ADCY9: variants seen among roughly 807,000 people sequenced by gnomAD.
The protein encoded by ADCY9 is adenylate cyclase 9.
Under a neutral mutation model 101.5 loss-of-function variants are expected in ADCY9, and 50 were observed. The observed-to-expected ratio is 0.49, with a 90% CI of 0.39 to 0.62. ADCY9 has a LOEUF of 0.62. Among genes scored for constraint, ADCY9 ranks in the 20% least tolerant of loss-of-function variants. ADCY9 has a pLI of 0.00. For synonymous variants in ADCY9, 905 were observed against 769.3 expected (o/e 1.18, Z -2.92); for missense variants, 1,662 against 1,800.4 (o/e 0.92, Z 1.39).
rs1363549446 is a variant in ADCY9 at position 4,115,000 on chromosome 16, G to A, written c.443C>T (p.Pro148Leu). 4.3e-6 allele frequency: 7 copies of A among 1,613,988 alleles called. No homozygotes were observed. The highest frequency in any genetic ancestry group is 1.7e-5 in the Admixed American group (1 of 60,010). ...MRSRLIVMVA[P>L]ALCFLLVCVG... is the part of the protein sequence containing the mutation. ...ACACACCAGGAGGAAGCACAGCGCG[G>A]GGGCGACCATGACGATCAGTCTGGA... Residue 148 changes from proline to leucine, a missense_variant, in exon 2 of 11, where the codon CCC becomes CTC. This residue lies in a region of ADCY9 where 422 missense variants were observed against 392.0 expected (regional missense o/e 1.08). Coordinates refer to ENST00000294016, the MANE Select transcript of ADCY9 (RefSeq NM_001116.4). The surrounding 1 kb of genome is among the most constrained non-coding windows in gnomAD (Gnocchi z 4.3).
chr16:4,006,896 G>A (rs1200278637), intron 3 of ADCY9, among the ~76,000 whole-genome samples: 1 of 152,160 alleles, frequency 6.6e-6, no homozygotes, highest in East Asian at 1.9e-4. Flanking sequence ...TGTCCTCTCA[G>A]TGAGCTGTGT....
At chr16:4,073,694 G>A (rs1192684039) in intron 2 of ADCY9, among the ~76,000 whole-genome samples, 1 of 152,292 alleles carries the variant, frequency 6.6e-6, no homozygotes, top group East Asian at 1.9e-4. Context: ...ATTGTGCCCG[G>A]CCTAAAAACA....
At chr16:4,089,851 C>A (rs577890733) in intron 2 of ADCY9, among the ~76,000 whole-genome samples, 2 of 152,164 alleles carry the variant, frequency 1.3e-5, no homozygotes, top group African/African-American at 4.8e-5. Context: ...CACAGGGGAC[C>A]AGGGCACTTC....
At chr16:3,958,025 G>A (rs184067658), downstream of ADCY9, among the ~76,000 whole-genome samples, 173 of 152,296 alleles carry the variant, frequency 1.1e-3, no homozygotes, top group African/African-American at 4.0e-3. Flanking sequence ...GCAGCTGGAG[G>A]CCGGGCTAGG....
intron 2 of ADCY9, among the ~76,000 whole-genome samples, chr16:4,067,800 T>C (rs2056809711): frequency 6.6e-6 from 1 of 152,224 alleles, no homozygotes; most frequent in Non-Finnish European, 1.5e-5. Context: ...CTGTAGCTAA[T>C]GTGTGCAAAC....
chr16:3,977,438 G>A (rs765175060), intron 9 of ADCY9, 44 bp downstream of exon 9: 7 of 1,534,662 alleles, frequency 4.6e-6, no homozygotes, highest in African/African-American at 1.4e-5. Flanking sequence ...CTCGGGCAAG[G>A]TGGCCACGCA....
intron 2 of ADCY9, among the ~76,000 whole-genome samples, chr16:4,086,431 C>T (rs540383123): frequency 2.0e-5 from 3 of 152,120 alleles, no homozygotes; most frequent in East Asian, 1.9e-4. Context: ...GAAGGACAAG[C>T]GCACGCTCCG....
intron 2 of ADCY9, among the ~76,000 whole-genome samples, chr16:4,028,559 G>C (rs2056533024): frequency 6.6e-6 from 1 of 152,298 alleles, no homozygotes; most frequent in East Asian, 1.9e-4. Flanking sequence ...CAAATCTATA[G>C]ACACAGAAAG....
chr16:3,973,893 T>C (rs1245678762), intron 10 of ADCY9, among the ~76,000 whole-genome samples: 3 of 152,180 alleles, frequency 2.0e-5, no homozygotes. Context: ...GTTATCTCAG[T>C]TTTAGAGGCT....
At chr16:3,996,170 G>A (rs2056285026) in intron 3 of ADCY9, among the ~76,000 whole-genome samples, 1 of 152,128 alleles carries the variant, frequency 6.6e-6, no homozygotes, top group Non-Finnish European at 1.5e-5. Context: ...AGACCAGCCT[G>A]GGCAACATAG....
intron 2 of ADCY9, among the ~76,000 whole-genome samples, chr16:4,037,763 G>A (rs775774412): frequency 1.3e-5 from 2 of 152,114 alleles, no homozygotes; most frequent in Non-Finnish European, 2.9e-5. Flanking sequence ...ACTGTGCCAC[G>A]TTTACAACTG....
downstream of ADCY9, among the ~76,000 whole-genome samples, chr16:3,960,618 A>G (rs2055932145): frequency 6.6e-6 from 1 of 152,160 alleles, no homozygotes; most frequent in Admixed American, 6.5e-5. Flanking sequence ...TCATCAAACT[A>G]TCAAAGCCTT....
intron 2 of ADCY9, among the ~76,000 whole-genome samples, chr16:4,101,748 A>G (rs890984779): frequency 4.6e-5 from 7 of 152,174 alleles, no homozygotes; most frequent in Non-Finnish European, 1.0e-4. Flanking sequence ...AGTACAGTTG[A>G]AAAAAACCAC....
At chr16:4,062,848 A>T (rs1051865352) in intron 2 of ADCY9, among the ~76,000 whole-genome samples, 1 of 152,228 alleles carries the variant, frequency 6.6e-6, no homozygotes, top group Non-Finnish European at 1.5e-5. Flanking sequence ...AATACAATAA[A>T]GCAAACACTG....
downstream of ADCY9, among the ~76,000 whole-genome samples, chr16:3,961,523 C>G (rs952959449): frequency 2.6e-5 from 4 of 151,930 alleles, no homozygotes; most frequent in African/African-American, 9.7e-5. Flanking sequence ...ATTCCCTAAG[C>G]TGGAAAGGTG....
chr16:3,984,373 A>G (rs947081971), intron 6 of ADCY9, among the ~76,000 whole-genome samples: 1 of 152,214 alleles, frequency 6.6e-6, no homozygotes, highest in African/African-American at 2.4e-5. Flanking sequence ...GCTGGGGGCC[A>G]GTACACTAGA....
At chr16:4,111,770 C>T (rs371554656) in intron 2 of ADCY9, among the ~76,000 whole-genome samples, 4 of 149,766 alleles carry the variant, frequency 2.7e-5, no homozygotes, top group African/African-American at 9.8e-5. Flanking sequence ...ATACAATGTA[C>T]ACAAATGTCA....
chr16:3,983,487 GC>G, intron 6 of ADCY9, 47 bp from the exon 7 acceptor site: 1 of 1,496,306 alleles, frequency 6.7e-7, no homozygotes, highest in Non-Finnish European at 9.2e-7. Context: ...GCCATGGGCG[GC>G]CAGGAGCGCA....
chr16:4,061,511 C>T (rs2056773345), intron 2 of ADCY9, among the ~76,000 whole-genome samples: 1 of 152,108 alleles, frequency 6.6e-6, no homozygotes, highest in Admixed American at 6.6e-5. Context: ...ATAAGATTAA[C>T]AGCTGACTTC....
Sources: gnomAD v4.1 joint callset for allele counts (sites outside exome capture counted in the v4.1 genomes callset) on GRCh38, gnomAD v4.1.1 for gene constraint, gnomAD v4.1.1 regional missense constraint, Gnocchi (gnomAD v3.1) non-coding constraint, MANE v1.5 for transcripts, NCBI Gene and HGNC (gene_info 2026-07-23, HGNC 2026-07-21) for gene names.